The following SEMA3A variants were observed in gnomAD, a reference collection of about 807,000 sequenced individuals.
SEMA3A encodes the protein semaphorin-3A.
A neutral mutation model predicts 97.9 loss-of-function variants in SEMA3A; 29 were observed. The observed-to-expected ratio is 0.30, with a 90% CI of 0.22 to 0.40. SEMA3A has a LOEUF of 0.40. Among genes scored for constraint, SEMA3A ranks in the 10% least tolerant of loss-of-function variants. SEMA3A has a pLI of 1.00. For missense variants in SEMA3A, 763 were observed against 951.3 expected, an observed-to-expected ratio of 0.80 and a Z score of 2.60; for synonymous variants, 321 against 323.7, an observed-to-expected ratio of 0.99 and a Z score of 0.09.
chr7:84,068,578 A>T (rs1396400406), intron 4 of SEMA3A, among the ~76,000 whole-genome samples: 1 of 152,142 alleles, frequency 6.6e-6, no homozygotes, highest in Non-Finnish European at 1.5e-5. Flanking sequence ...CAGCAGAACG[A>T]AGTGGTAGTG....
intron 6 of SEMA3A, among the ~76,000 whole-genome samples, chr7:84,045,565 A>G (rs919558011): frequency 1.3e-5 from 2 of 151,878 alleles, no homozygotes; most frequent in African/African-American, 4.8e-5. Context: ...CTTAGTTAAA[A>G]TTTTGAATAA....
In SEMA3A at chr7:84,100,282, A is replaced by G. The variant is rs142687750; in HGVS notation, c.453+10188T>C. On this transcript the variant is annotated intron_variant, in intron 4 of 16. Transcript: ENST00000265362. ...TCCAGGAGAAAAAAATCACTCCGAC[A>G]TAGTCCTCTAAACCAGAACTAATCA... 3.4e-3 allele frequency among the ~76,000 whole-genome samples: 520 copies of G among 152,290 alleles called. 2 individuals are homozygous for G. The highest frequency in any genetic ancestry group is 0.012 in the African/African-American group (491 of 41,572).
At chr7:84,164,664 G>T (rs528367368) in intron 1 of SEMA3A, among the ~76,000 whole-genome samples, 1 of 152,128 alleles carries the variant, frequency 6.6e-6, no homozygotes, top group Non-Finnish European at 1.5e-5. Context: ...GTGAGAAAAT[G>T]TATGTTATGT....
intron 2 of SEMA3A, among the ~76,000 whole-genome samples, chr7:84,321,748 C>A (rs186427110): frequency 6.6e-6 from 1 of 151,398 alleles, no homozygotes; most frequent in Non-Finnish European, 1.5e-5. Flanking sequence ...TGGTGGCGCA[C>A]GCCTCTAGTC....
At chr7:84,422,491 A>G (rs1024105247) in intron 1 of SEMA3A, among the ~76,000 whole-genome samples, 1 of 151,754 alleles carries the variant, frequency 6.6e-6, no homozygotes, top group African/African-American at 2.4e-5. Context: ...TTGATTTTTT[A>G]AAGGATTTTT....
chr7:84,014,448 A>G, intron 6 of SEMA3A, 97 bp from the exon 7 acceptor site: 5 of 892,914 alleles, frequency 5.6e-6, no homozygotes, highest in Non-Finnish European at 6.7e-6. Context: ...CTTAATTGAT[A>G]TATTTCAAGA....
At chr7:84,396,604 G>T (rs772930463) in intron 1 of SEMA3A, among the ~76,000 whole-genome samples, 7 of 151,830 alleles carry the variant, frequency 4.6e-5, no homozygotes, top group Non-Finnish European at 8.8e-5. Context: ...CAAGTTGAAA[G>T]AAAATATTTG....
At chr7:84,249,762 C>T (rs758304531) in intron 3 of SEMA3A, among the ~76,000 whole-genome samples, 7 of 150,730 alleles carry the variant, frequency 4.6e-5, no homozygotes, top group African/African-American at 7.3e-5. Context: ...CAAGTTACAT[C>T]ATCTTCCTGA....
chr7:84,162,543 A>G (rs1276198167), intron 1 of SEMA3A, among the ~76,000 whole-genome samples: 3 of 152,230 alleles, frequency 2.0e-5, no homozygotes, highest in African/African-American at 7.2e-5. Context: ...GATTCTAAGT[A>G]CAGCAATGGT....
chr7:84,186,310 G>A (rs142276179), intron 1 of SEMA3A, among the ~76,000 whole-genome samples: 1 of 152,178 alleles, frequency 6.6e-6, no homozygotes, highest in African/African-American at 2.4e-5. Flanking sequence ...AAAGAAATCT[G>A]ACAGATGAGT....
intron 3 of SEMA3A, among the ~76,000 whole-genome samples, chr7:84,112,282 T>C (rs1375482691): frequency 1.3e-5 from 2 of 152,194 alleles, no homozygotes; most frequent in African/African-American, 4.8e-5. Flanking sequence ...CAGCACCATA[T>C]GCTGAAACCA....
intron 2 of SEMA3A, among the ~76,000 whole-genome samples, chr7:84,311,096 T>C (rs1468131792): frequency 6.6e-5 from 10 of 151,860 alleles, no homozygotes; most frequent in Non-Finnish European, 1.5e-5. Flanking sequence ...TCAAACAATC[T>C]TATCTTTAAA....
At chr7:84,220,429 T>TGAAC (rs1263253823) in intron 3 of SEMA3A, among the ~76,000 whole-genome samples, 1 of 152,188 alleles carries the variant, frequency 6.6e-6, no homozygotes, top group Non-Finnish European at 1.5e-5. Flanking sequence ...CCATGAATTG[T>TGAAC]GAACGTTCTT....
intron 1 of SEMA3A, among the ~76,000 whole-genome samples, chr7:84,148,100 C>T (rs76698213): frequency 0.027 from 4,171 of 151,674 alleles, 188 homozygotes; most frequent in African/African-American, 0.096. Context: ...TTTTTAGTAG[C>T]GACGGGGTTT....
intron 1 of SEMA3A, among the ~76,000 whole-genome samples, chr7:84,433,069 TTTA>T (rs201217953): frequency 1.3e-3 from 194 of 150,354 alleles, no homozygotes; most frequent in South Asian, 7.0e-3. Context: ...GTTATTTGAC[TTTA>T]TTATTATTAT....
intron 2 of SEMA3A, among the ~76,000 whole-genome samples, chr7:84,341,250 A>T (rs559702177): frequency 6.6e-6 from 1 of 152,350 alleles, no homozygotes; most frequent in Admixed American, 6.5e-5. Context: ...GAGTGTATCC[A>T]ACTAAGAAAT....
chr7:84,246,944 GATATA>G (rs1189554016), intron 3 of SEMA3A, among the ~76,000 whole-genome samples: 5 of 152,138 alleles, frequency 3.3e-5, no homozygotes, highest in African/African-American at 1.2e-4. Flanking sequence ...ATTACAAAAT[GATATA>G]ATGTAATACA....
At chr7:84,291,630 G>C (rs1800749095) in intron 3 of SEMA3A, among the ~76,000 whole-genome samples, 1 of 152,052 alleles carries the variant, frequency 6.6e-6, no homozygotes, top group African/African-American at 2.4e-5. Flanking sequence ...AAGGCAGGTA[G>C]TATTACCCCA....
At chr7:84,235,773 C>G (rs917706781) in intron 3 of SEMA3A, among the ~76,000 whole-genome samples, 1 of 152,016 alleles carries the variant, frequency 6.6e-6, no homozygotes, top group Admixed American at 6.6e-5. Flanking sequence ...AAAGAGAACT[C>G]TAACATGGTC....
Sources: gnomAD v4.1 joint callset for allele counts (sites outside exome capture counted in the v4.1 genomes callset) on GRCh38, gnomAD v4.1.1 for gene constraint, MANE v1.5 for transcripts, NCBI Gene and HGNC (gene_info 2026-07-23, HGNC 2026-07-21) for gene names.